Variants in ABTB3 observed in about 807,000 individuals in gnomAD.
ABTB3 encodes ankyrin repeat- and BTB/POZ domain-containing protein 3.
the ABTB3 span, among the ~76,000 whole-genome samples, chr12:107,538,354 C>A: frequency 6.6e-6 from 1 of 152,182 alleles, no homozygotes; most frequent in Admixed American, 6.5e-5. Flanking sequence ...AGGACCAGCC[C>A]CATTGGGTCA....
At chr12:107,634,743 T>C in the ABTB3 span, 4 of 152,100 alleles carry the variant, frequency 2.6e-5, no homozygotes, top group African/African-American at 7.2e-5. Context: ...CCTCCCACCT[T>C]TTGTTTGGAG....
chr12:107,344,326 G>T, the ABTB3 span, among the ~76,000 whole-genome samples: 9 of 152,170 alleles, frequency 5.9e-5, no homozygotes, highest in African/African-American at 2.2e-4. Context: ...TACCCAAACA[G>T]TGTTCCCACC....
the ABTB3 span, among the ~76,000 whole-genome samples, chr12:107,576,016 A>G: frequency 3.9e-5 from 6 of 152,164 alleles, no homozygotes; most frequent in African/African-American, 1.2e-4. Flanking sequence ...TCCAGTTCCA[A>G]TCAGTCTCTC....
the ABTB3 span, among the ~76,000 whole-genome samples, chr12:107,366,371 C>A: frequency 6.6e-6 from 1 of 152,048 alleles, no homozygotes; most frequent in African/African-American, 2.4e-5. Context: ...ACATGTTCCT[C>A]CTCTTCTAAA....
the ABTB3 span, among the ~76,000 whole-genome samples, chr12:107,421,187 G>A: frequency 6.6e-6 from 1 of 152,164 alleles, no homozygotes; most frequent in African/African-American, 2.4e-5. Flanking sequence ...TTTTTAATTA[G>A]CCTCATACAT....
At chr12:107,468,337 G>C in the ABTB3 span, among the ~76,000 whole-genome samples, 2 of 152,168 alleles carry the variant, frequency 1.3e-5, no homozygotes, top group African/African-American at 4.8e-5. Context: ...CTTATGCTGG[G>C]AGAGAGGGAA....
the ABTB3 span, among the ~76,000 whole-genome samples, chr12:107,350,136 C>T: frequency 2.6e-5 from 4 of 152,158 alleles, no homozygotes; most frequent in African/African-American, 9.7e-5. Flanking sequence ...AGGAAACAGA[C>T]AGTTCATTAT....
the ABTB3 span, among the ~76,000 whole-genome samples, chr12:107,607,870 G>A: frequency 1.2e-4 from 19 of 152,286 alleles, no homozygotes; most frequent in South Asian, 3.9e-3. Context: ...TCCACTTCTT[G>A]GGGCTCTTGT....
the ABTB3 span, among the ~76,000 whole-genome samples, chr12:107,586,018 C>A: frequency 1.3e-5 from 2 of 152,076 alleles, no homozygotes; most frequent in African/African-American, 4.8e-5. Flanking sequence ...CAATAGCAGA[C>A]AAATGAGCAA....
chr12:107,444,494 G>GAATA, the ABTB3 span, among the ~76,000 whole-genome samples: 1 of 152,146 alleles, frequency 6.6e-6, no homozygotes, highest in African/African-American at 2.4e-5. Context: ...TCAAATTTAT[G>GAATA]AATAAATAAA....
chr12:107,610,523 T>C, the ABTB3 span: 2 of 673,996 alleles, frequency 3.0e-6, no homozygotes, highest in East Asian at 2.8e-5. Flanking sequence ...TTTTAAAATA[T>C]CTTATAAAAA....
the ABTB3 span, among the ~76,000 whole-genome samples, chr12:107,623,356 G>GA: frequency 7.8e-6 from 1 of 128,878 alleles, no homozygotes; most frequent in African/African-American, 3.0e-5. Flanking sequence ...ACCACGCCTG[G>GA]CCTTTTTTTT....
At chr12:107,532,961 T>C in the ABTB3 span, among the ~76,000 whole-genome samples, 1 of 152,060 alleles carries the variant, frequency 6.6e-6, no homozygotes, top group East Asian at 1.9e-4. Flanking sequence ...GAAATAGTCT[T>C]CCCAGGACAA....
At chr12:107,538,482 C>T in the ABTB3 span, among the ~76,000 whole-genome samples, 1 of 152,174 alleles carries the variant, frequency 6.6e-6, no homozygotes, top group East Asian at 1.9e-4. Context: ...TCCCAGAGCT[C>T]AGCTGTCTGG....
the ABTB3 span, among the ~76,000 whole-genome samples, chr12:107,355,150 G>T: frequency 6.6e-6 from 1 of 152,186 alleles, no homozygotes; most frequent in Non-Finnish European, 1.5e-5. Flanking sequence ...GAGATCTTTC[G>T]CATGTCTCCC....
chr12:107,426,567 G>A, the ABTB3 span, among the ~76,000 whole-genome samples: 5 of 152,162 alleles, frequency 3.3e-5, no homozygotes, highest in South Asian at 2.1e-4. Flanking sequence ...CCTCTGCAGC[G>A]CCCCACCTGG....
the ABTB3 span, among the ~76,000 whole-genome samples, chr12:107,416,135 C>G: frequency 2.0e-5 from 3 of 152,188 alleles, no homozygotes; most frequent in Non-Finnish European, 4.4e-5. Flanking sequence ...TGGAGAAATG[C>G]TTGCCCACGT....
At chr12:107,438,926 C>T in the ABTB3 span, among the ~76,000 whole-genome samples, 1 of 152,168 alleles carries the variant, frequency 6.6e-6, no homozygotes, top group African/African-American at 2.4e-5. Context: ...TTTAATATCT[C>T]TTTAGCTGAA....
the ABTB3 span, among the ~76,000 whole-genome samples, chr12:107,385,454 T>A: frequency 6.6e-6 from 1 of 152,214 alleles, no homozygotes; most frequent in Non-Finnish European, 1.5e-5. Flanking sequence ...CCTGGTGTGG[T>A]CTCCCATTAC....
Sources: allele counts gnomAD v4.1 joint callset (sites outside exome capture counted in the v4.1 genomes callset), GRCh38; gene constraint gnomAD v4.1.1; transcripts MANE v1.5; gene names NCBI Gene and HGNC (gene_info 2026-07-23, HGNC 2026-07-21).